Variants in ARHGEF10 observed in about 807,000 individuals in gnomAD.
The protein encoded by ARHGEF10 is Rho guanine nucleotide exchange factor (GEF) 10.
In ARHGEF10, 140 loss-of-function variants were observed where a neutral mutation model predicts 147.4. The ratio of observed to expected loss-of-function variants is 0.95; its 90% CI spans 0.83 to 1.09. The LOEUF is 1.09. Ranked by LOEUF, ARHGEF10 falls within the 50% of genes least tolerant of loss-of-function variation. The pLI is 0.00. For missense variants in ARHGEF10, 2,222 were observed against 1,752.7 expected, an observed-to-expected ratio of 1.27 and a Z score of -4.78; for synonymous variants, 902 against 695.8, an observed-to-expected ratio of 1.30 and a Z score of -4.67.
At chr8:1,924,022 C>A in intron 21 of ARHGEF10, 148 bp downstream of exon 21, 1 of 794,044 alleles carries the variant, frequency 1.3e-6, no homozygotes, top group Non-Finnish European at 2.1e-6. Context: ...AAAATTCACC[C>A]TGGCACCGGC....
At chr8:1,895,920 G>C (rs1446856917) in intron 13 of ARHGEF10, among the ~76,000 whole-genome samples, 5 of 152,266 alleles carry the variant, frequency 3.3e-5, no homozygotes, top group African/African-American at 1.2e-4. Context: ...CCCATTTCTA[G>C]GGTGTGGTTG....
At chr8:1,850,245 C>CAT (rs1805001549) in intron 2 of ARHGEF10, among the ~76,000 whole-genome samples, 1 of 118,796 alleles carries the variant, frequency 8.4e-6, no homozygotes, top group Non-Finnish European at 2.0e-5. Context: ...GGGGCAGTCG[C>CAT]GTGGACACAG....
Position 1,824,026 on chromosome 8 carries a change from G to GCGGGGGACGGCGGGGA in ARHGEF10, c.-135_-134insCGGGGGACGGCGGGGA, listed in dbSNP as rs1802581354. 2 of 119,424 alleles carry GCGGGGGACGGCGGGGA rather than the reference G, an allele frequency of 1.7e-5. No individual in the cohort carries two copies. Among genetic ancestry groups the GCGGGGGACGGCGGGGA allele is most frequent in the Non-Finnish European group, 3.5e-5 (2 of 56,782 alleles). 7.4% of individuals were successfully genotyped at this position (119,424 alleles called of 1,614,324 possible). On this transcript the variant is annotated 5_prime_UTR_variant, in exon 1 of 29. Coordinates refer to ENST00000349830, the MANE Select transcript of ARHGEF10 (RefSeq NM_014629.4). The stretch of plus-strand genomic sequence containing the variant: ...CGGGGGACGGCGGGGAACGGCGGGG[G>GCGGGGGACGGCGGGGA]ACGGCGGGGAACAGCGGGGGACGGC...
At chr8:1,826,902 A>G (rs1232700581) in intron 1 of ARHGEF10, among the ~76,000 whole-genome samples, 1 of 152,244 alleles carries the variant, frequency 6.6e-6, no homozygotes, top group Non-Finnish European at 1.5e-5. Flanking sequence ...TTAGTCATTC[A>G]TGAGGGAGAA....
chr8:1,890,307 A>AG (rs199837759), intron 11 of ARHGEF10, among the ~76,000 whole-genome samples: 14 of 141,680 alleles, frequency 9.9e-5, no homozygotes, highest in African/African-American at 3.0e-4. Context: ...GGAGACACTG[A>AG]TGGGGTGAGG....
intron 26 of ARHGEF10, among the ~76,000 whole-genome samples, chr8:1,939,886 C>A (rs142851126): frequency 1.3e-5 from 2 of 152,210 alleles, no homozygotes; most frequent in Non-Finnish European, 2.9e-5. Context: ...GACTTGACTT[C>A]TTGGAGCACA....
At position 1,921,735 on chromosome 8, in the gene ARHGEF10, C is replaced by CAA. The variant is rs35271403; in HGVS notation, c.2144-1221_2144-1220dup. 1.1e-3 allele frequency among the ~76,000 whole-genome samples: 169 copies of CAA among 149,534 alleles called. 2 individuals carry two copies. The highest frequency in any genetic ancestry group is 7.9e-4 in the Non-Finnish European group (53 of 67,490). ...GGGGGACAAGAGCGACACTTCGTCT[C>CAA]AAAAAAAAAGAAAAAAGAAAAAACA... On this transcript the variant is annotated intron_variant, in intron 18 of 28. Coordinates refer to ENST00000349830, the MANE Select transcript of ARHGEF10 (RefSeq NM_014629.4).
intron 2 of ARHGEF10, among the ~76,000 whole-genome samples, chr8:1,850,479 A>C (rs567909022): frequency 3.3e-4 from 50 of 149,378 alleles, no homozygotes; most frequent in African/African-American, 1.1e-3. Context: ...CATGGACGGC[A>C]AGTGCGGAAG....
chr8:1,864,292 C>A lies in ARHGEF10; in HGVS notation c.482-81C>A, dbSNP rs535589097. 2.1e-6 allele frequency: 3 copies of A among 1,420,520 alleles called. No individual in the cohort carries two copies. In the East Asian group the frequency reaches 6.8e-5, roughly 32 times the overall value. 88.0% of individuals were successfully genotyped at this position (1,420,520 alleles called of 1,614,324 possible). ...TCTGATTGATAGGAAAGTGTGAAAC[C>A]ATTTTTAAGGGTAAAAACATCAACT... On this transcript the variant is annotated intron_variant, in intron 4 of 28. Coordinates refer to ENST00000349830, the MANE Select transcript of ARHGEF10 (RefSeq NM_014629.4).
chr8:1,873,365 A>G (rs1169551704), intron 7 of ARHGEF10, among the ~76,000 whole-genome samples: 1 of 152,088 alleles, frequency 6.6e-6, no homozygotes, highest in Non-Finnish European at 1.5e-5. Context: ...CTCAGAAGCA[A>G]TGGTGAGCAA....
Position 1,843,357 on chromosome 8 carries a change from TC to T in ARHGEF10, c.-41del, listed in dbSNP as rs1475338966. ...CAGTGTCTCTCCTTCTTGCAGGAGC[TC>T]CTTCCCTTAACAGAGCTGAGAGAGG... On this transcript the variant is annotated 5_prime_UTR_variant, in exon 2 of 29. Coordinates refer to ENST00000349830, the MANE Select transcript of ARHGEF10 (RefSeq NM_014629.4). 5 of 1,612,040 alleles carry T rather than the reference TC, an allele frequency of 3.1e-6. No individual in the cohort carries two copies. The highest frequency in any genetic ancestry group is 3.4e-6 in the Non-Finnish European group (4 of 1,179,792).
At chr8:1,915,866 C>T (rs1451606434) in intron 18 of ARHGEF10, among the ~76,000 whole-genome samples, 3 of 152,224 alleles carry the variant, frequency 2.0e-5, no homozygotes, top group Admixed American at 1.3e-4. Context: ...TCATTCCTAA[C>T]GGCCTGTATA....
chr8:1,945,674 G>T lies in ARHGEF10; in HGVS notation c.3397+19G>T. The T allele has an allele frequency of 6.2e-7, 1 of 1,614,066 alleles. No homozygotes were observed. The highest frequency in any genetic ancestry group is 1.1e-5 in the South Asian group (1 of 91,078). ...CTGCCAGGTAAGGGGACGGGACGGG[G>T]CCCAGGGATGGGACAGCAACCGGGG... is the stretch of plus-strand genomic sequence containing the variant. On this transcript the variant is annotated intron_variant, in intron 27 of 28. Coordinates refer to ENST00000349830, the MANE Select transcript of ARHGEF10 (RefSeq NM_014629.4).
Position 1,942,689 on chromosome 8 carries a change from G to A in ARHGEF10, c.3223-2792G>A, listed in dbSNP as rs997803404. Among the ~76,000 whole-genome samples, 17 of 152,148 alleles carry A rather than the reference G, an allele frequency of 1.1e-4. No individual in the cohort carries two copies. The South Asian group carries it at 1.5e-3, about 13-fold the overall frequency. ...GTCAAAAAGCGGATGCAGTCCAGAC[G>A]CCCAGGAACTGGTGAATGGACAAAC... is the stretch of plus-strand genomic sequence containing the variant. On this transcript the variant is annotated intron_variant, in intron 26 of 28. Coordinates refer to ENST00000349830, the MANE Select transcript of ARHGEF10 (RefSeq NM_014629.4).
At chr8:1,869,579 G>A in intron 7 of ARHGEF10, 1 of 452,706 alleles carries the variant, frequency 2.2e-6, no homozygotes, top group Non-Finnish European at 4.1e-6. Context: ...CAGTGAGAAA[G>A]TAGAGAGAAT....
In ARHGEF10 at chr8:1,952,693, C is replaced by G. The variant is rs1450658311; in HGVS notation, c.3398-12C>G. On this transcript the variant is annotated splice_polypyrimidine_tract_variant and intron_variant, in intron 27 of 28. Transcript: ENST00000349830. ...AAACCAGACCCGAAGCCACTCATGT[C>G]TTTCCGCCCAGGGCACCAGCGGCTG... The G allele has an allele frequency of 6.2e-7, 1 of 1,613,490 alleles. No individual in the cohort carries two copies. The highest frequency in any genetic ancestry group is 1.1e-5 in the South Asian group (1 of 91,084).
chr8:1,942,098 A>G (rs1345394674), intron 26 of ARHGEF10, among the ~76,000 whole-genome samples: 5 of 152,040 alleles, frequency 3.3e-5, no homozygotes, highest in African/African-American at 1.2e-4. Context: ...CAAGCAACCA[A>G]TGTGGAAAAA....
intron 6 of ARHGEF10, 122 bp from the exon 7 acceptor site, chr8:1,869,069 AACT>A (rs1563203452): frequency 1.2e-6 from 1 of 862,224 alleles, no homozygotes; most frequent in Non-Finnish European, 1.9e-6. Flanking sequence ...ATAAAAAAAA[AACT>A]ACCCTTATAA....
At chr8:1,943,742 T>G (rs1814296840) in intron 26 of ARHGEF10, 2 of 152,194 alleles carry the variant, frequency 1.3e-5, no homozygotes, top group African/African-American at 2.4e-5. Context: ...CATTGACAAA[T>G]ATTTAAATTC....
Sources: allele counts gnomAD v4.1 joint callset (sites outside exome capture counted in the v4.1 genomes callset), GRCh38; gene constraint gnomAD v4.1.1; transcripts MANE v1.5; gene names NCBI Gene and HGNC (gene_info 2026-07-23, HGNC 2026-07-21).